Variants in VPS54 observed in about 807,000 individuals in gnomAD.
The protein encoded by VPS54 is VPS54 subunit of GARP complex.
Under a neutral mutation model 121.5 loss-of-function variants are expected in VPS54, and 45 were observed. The ratio of observed to expected loss-of-function variants is 0.37; its 90% CI spans 0.29 to 0.47. The LOEUF (loss-of-function observed/expected upper bound fraction) is 0.47, where lower values mean the gene tolerates loss of function less well. Among genes scored for constraint, VPS54 ranks in the 20% least tolerant of loss-of-function variants. VPS54 has a pLI of 0.99. For synonymous variants in VPS54, 371 were observed against 385.8 expected, an observed-to-expected ratio of 0.96 and a Z score of 0.45; for missense variants, 1,090 against 1,131.4, an observed-to-expected ratio of 0.96 and a Z score of 0.52.
chr2:63,998,326 C>G (rs1677703835), intron 1 of VPS54, among the ~76,000 whole-genome samples: 1 of 152,064 alleles, frequency 6.6e-6, no homozygotes, highest in Admixed American at 6.6e-5. Context: ...TTCTTGTGGG[C>G]AACAGATCAC....
chr2:63,982,623 A>C (rs1676849903), intron 2 of VPS54, among the ~76,000 whole-genome samples: 1 of 152,160 alleles, frequency 6.6e-6, no homozygotes, highest in Non-Finnish European at 1.5e-5. Context: ...ACAGTACTAT[A>C]ATTTATGCCT....
chr2:63,962,301 C>T lies in VPS54; in HGVS notation c.767G>A (p.Arg256Gln), dbSNP rs757528539. Residue 256 changes from arginine to glutamine, a missense_variant, in exon 7 of 23, where the codon CGA (arginine) becomes CAA (glutamine). By Grantham distance (43) the Arg-to-Gln change is conservative. Coordinates refer to ENST00000272322, the MANE Select transcript of VPS54 (RefSeq NM_016516.3). Reference protein sequence around the residue: ...RKTSQAVKMLRDKIAQIDKVM... With the variant: ...RKTSQAVKMLQDKIAQIDKVM... ...TTTATCAATCTGTGCAATTTTATCT[C>T]GAAGCATTTTTACAGCCTGGGAAGT... The T allele has an allele frequency of 1.2e-6, 2 of 1,613,944 alleles. No homozygotes were observed. Among genetic ancestry groups the T allele is most frequent in the Admixed American group, 1.7e-5 (1 of 60,006 alleles).
intron 20 of VPS54, among the ~76,000 whole-genome samples, chr2:63,905,335 C>T (rs756028487): frequency 6.6e-6 from 1 of 152,098 alleles, no homozygotes; most frequent in East Asian, 1.9e-4. Context: ...AACATCATTA[C>T]CAATATCATG....
intron 1 of VPS54, among the ~76,000 whole-genome samples, chr2:63,984,368 T>A (rs968020906): frequency 3.3e-5 from 5 of 152,242 alleles, no homozygotes; most frequent in African/African-American, 1.2e-4. Flanking sequence ...GGTTTTGAAG[T>A]ATCCCTGCTT....
chr2:63,995,048 T>C (rs1559047161), intron 1 of VPS54, among the ~76,000 whole-genome samples: 1 of 152,222 alleles, frequency 6.6e-6, no homozygotes, highest in Non-Finnish European at 1.5e-5. Flanking sequence ...TCGTATGATA[T>C]TCCCCATTCT....
At chr2:63,962,499 T>C in intron 6 of VPS54, 56 bp from the exon 7 acceptor site, 2 of 1,503,484 alleles carry the variant, frequency 1.3e-6, no homozygotes, top group Non-Finnish European at 1.8e-6. Flanking sequence ...TCCTTGATTA[T>C]CCAAATACTT....
At chr2:63,901,046 C>T (rs1170301248) in intron 20 of VPS54, among the ~76,000 whole-genome samples, 1 of 152,192 alleles carries the variant, frequency 6.6e-6, no homozygotes, top group East Asian at 1.9e-4. Context: ...AGGCGTGTGC[C>T]ACCACGTCCG....
chr2:63,941,333 T>C (rs13409954), intron 11 of VPS54, among the ~76,000 whole-genome samples: 221 of 151,918 alleles, frequency 1.5e-3, no homozygotes, highest in African/African-American at 4.8e-3. Flanking sequence ...TAGGTGATCA[T>C]CCCACCTCAG....
At chr2:64,000,372 T>A (rs1028175121) in intron 1 of VPS54, among the ~76,000 whole-genome samples, 1 of 152,262 alleles carries the variant, frequency 6.6e-6, no homozygotes, top group African/African-American at 2.4e-5. Context: ...ATAACTCTGT[T>A]TCTCCAGAAT....
chr2:63,925,269 G>A (rs79875513), intron 12 of VPS54, among the ~76,000 whole-genome samples: 212 of 152,302 alleles, frequency 1.4e-3, no homozygotes, highest in African/African-American at 5.0e-3. Context: ...CATCCCAGAA[G>A]CCAATGAATG....
chr2:63,927,428 T>C (rs940503520), intron 12 of VPS54, among the ~76,000 whole-genome samples: 1 of 152,016 alleles, frequency 6.6e-6, no homozygotes, highest in South Asian at 2.1e-4. Context: ...GATGTGACTG[T>C]TGGAAGGAAA....
chr2:63,928,250 G>A (rs1674008706), intron 12 of VPS54, among the ~76,000 whole-genome samples: 1 of 152,162 alleles, frequency 6.6e-6, no homozygotes, highest in African/African-American at 2.4e-5. Context: ...AAAATGTTAA[G>A]GGCAGCCAGA....
chr2:63,905,405 T>C (rs1207925443), intron 20 of VPS54, among the ~76,000 whole-genome samples: 1 of 152,084 alleles, frequency 6.6e-6, no homozygotes, highest in East Asian at 1.9e-4. Context: ...GAATATCATA[T>C]ACAAGTTAAT....
intron 1 of VPS54, among the ~76,000 whole-genome samples, chr2:64,004,673 T>C (rs1678041874): frequency 6.6e-6 from 1 of 152,260 alleles, no homozygotes; most frequent in Non-Finnish European, 1.5e-5. Context: ...GCGAAGTTTA[T>C]GGATACCTTC....
chr2:63,974,678 A>C (rs915229390), intron 3 of VPS54, among the ~76,000 whole-genome samples: 1 of 152,072 alleles, frequency 6.6e-6, no homozygotes, highest in African/African-American at 2.4e-5. Context: ...TAAAGCCTTC[A>C]TTTTCTTTGA....
At chr2:63,917,297 A>G (rs1289539101) in intron 15 of VPS54, among the ~76,000 whole-genome samples, 2 of 152,070 alleles carry the variant, frequency 1.3e-5, no homozygotes, top group African/African-American at 2.4e-5. Context: ...CAAACTGCCT[A>G]TCCCTTAGGG....
At chr2:63,929,561 C>T (rs1378980964) in intron 12 of VPS54, among the ~76,000 whole-genome samples, 3 of 152,180 alleles carry the variant, frequency 2.0e-5, no homozygotes, top group African/African-American at 7.2e-5. Flanking sequence ...CAAGAGAAAG[C>T]AGGAGAGATC....
chr2:64,013,635 T>A (rs943463862), intron 1 of VPS54, among the ~76,000 whole-genome samples: 2 of 145,952 alleles, frequency 1.4e-5, no homozygotes, highest in African/African-American at 5.0e-5. Flanking sequence ...TATATATAAA[T>A]ATATATCAAT....
chr2:63,974,623 T>C (rs1453832653), intron 3 of VPS54, among the ~76,000 whole-genome samples: 2 of 152,220 alleles, frequency 1.3e-5, no homozygotes, highest in Non-Finnish European at 2.9e-5. Flanking sequence ...TCATCAGTCT[T>C]GTGGTTTTCC....
Sources: allele counts gnomAD v4.1 joint callset (sites outside exome capture counted in the v4.1 genomes callset), GRCh38; gene constraint gnomAD v4.1.1; transcripts MANE v1.5; gene names NCBI Gene and HGNC (gene_info 2026-07-23, HGNC 2026-07-21).